HMGCS2: variants seen among roughly 807,000 people sequenced by gnomAD.
The protein encoded by HMGCS2 is hydroxymethylglutaryl-CoA synthase, mitochondrial.
In HMGCS2, 50 loss-of-function variants were observed where a neutral mutation model predicts 57.4. The observed-to-expected ratio is 0.87, with a 90% CI of 0.69 to 1.10. HMGCS2 has a LOEUF of 1.10. HMGCS2 is among the 50% of genes least tolerant of loss of function. The pLI, the probability that HMGCS2 is intolerant of heterozygous loss-of-function variation, is 0.00. For synonymous variants in HMGCS2, 254 were observed against 245.1 expected (o/e 1.04, Z -0.34); for missense variants, 627 against 636.5 (o/e 0.99, Z 0.16).
intron 8 of HMGCS2, 33 bp from the exon 9 acceptor site, chr1:119,750,941 A>C: frequency 7.8e-7 from 1 of 1,287,840 alleles, no homozygotes; most frequent in Non-Finnish European, 1.1e-6. Context: ...AGTACTCACA[A>C]AGAGTTATAT....
intron 7 of HMGCS2, 77 bp from the exon 8 acceptor site, chr1:119,752,751 G>A: frequency 6.4e-7 from 1 of 1,551,656 alleles, no homozygotes; most frequent in Non-Finnish European, 8.9e-7. Context: ...TCAACAGAGA[G>A]CCAGGTTCTG....
intron 2 of HMGCS2, among the ~76,000 whole-genome samples, chr1:119,762,689 G>A (rs1463883753): frequency 6.6e-6 from 1 of 152,144 alleles, no homozygotes; most frequent in Admixed American, 6.5e-5. Flanking sequence ...TATGTAGTCC[G>A]AGTGTCCAGG....
chr1:119,755,420 T>C lies in HMGCS2; in HGVS notation c.1187+7A>G. On this transcript the variant is annotated splice_region_variant and intron_variant, in intron 6 of 9. Coordinates refer to ENST00000369406, the MANE Select transcript of HMGCS2 (RefSeq NM_005518.4). ...ATGGAGGACATGGAGCCAGATGCAGTACTCACTGGGACAGAAGCGAGGCCA... is the reference window on the plus strand; with the variant it reads ...ATGGAGGACATGGAGCCAGATGCAGCACTCACTGGGACAGAAGCGAGGCCA... 1.2e-6 allele frequency: 2 copies of C among 1,613,804 alleles called. No individual in the cohort carries two copies. The highest frequency in any genetic ancestry group is 1.7e-6 in the Non-Finnish European group (2 of 1,179,808).
chr1:119,751,030 T>C, intron 8 of HMGCS2, 122 bp from the exon 9 acceptor site: 1 of 706,486 alleles, frequency 1.4e-6, no homozygotes, highest in Non-Finnish European at 2.6e-6. Context: ...TGTAAGGGGC[T>C]GCAAGGTCAC....
chr1:119,750,917 T>G lies in HMGCS2; in HGVS notation c.1421-9A>C, dbSNP rs368591232. ...AGGTGGGGAGAAATTCACTGTGGAA[T>G]GAGGAGAAGAGGCAGTACTCACAAA... On this transcript the variant is annotated splice_polypyrimidine_tract_variant and intron_variant, in intron 8 of 9. Coordinates refer to ENST00000369406, the MANE Select transcript of HMGCS2 (RefSeq NM_005518.4). 19 of 1,525,122 alleles carry G rather than the reference T, an allele frequency of 1.2e-5. No individual in the cohort carries two copies. The highest frequency in any genetic ancestry group is 1.5e-5 in the Non-Finnish European group (16 of 1,099,142). The allele number at this position is 1,525,122 out of a possible 1,614,324, so 94.5% of individuals were successfully genotyped here.
Position 119,768,816 on chromosome 1 carries a change from C to T in HMGCS2, c.29G>A (p.Arg10His), listed in dbSNP as rs766960590. Residue 10 changes from arginine (R) to histidine (H), a missense_variant, in exon 1 of 10, where the codon CGC becomes CAC. By Grantham distance (29) the Arg-to-His change is conservative. Coordinates refer to ENST00000369406, the MANE Select transcript of HMGCS2 (RefSeq NM_005518.4). MQRLLTPVK[R>H]ILQLTRAVQE... ...CACCGCTCTTGTCAGTTGCAGAATG[C>T]GCTTCACTGGAGTCAACAGACGCTG... 12 of 1,613,890 alleles carry T rather than the reference C, an allele frequency of 7.4e-6. No homozygotes were observed. The highest frequency in any genetic ancestry group is 1.6e-4 in the Middle Eastern group (1 of 6,062).
rs1652635564 is a variant in HMGCS2 at position 119,750,907 on chromosome 1, C to G, written c.1422G>C (p.Val474=). The change falls in exon 9 of 10, where the codon GTG becomes GTC. Residue 474 remains valine (V), a splice_region_variant and synonymous_variant. Transcript: ENST00000369406. ...TTGTGTCACCAGGTGGGGAGAAATT[C>G]ACTGTGGAATGAGGAGAAGAGGCAG... ...MNQREQFYHK[V]NFSPPGDTNS... is the part of the protein sequence containing the mutation. 1.3e-6 allele frequency: 2 copies of G among 1,585,468 alleles called. No individual in the cohort carries two copies. Among genetic ancestry groups the G allele is most frequent in the South Asian group, 1.1e-5 (1 of 90,402 alleles).
intron 5 of HMGCS2, among the ~76,000 whole-genome samples, chr1:119,756,850 T>C (rs962106426): frequency 2.0e-5 from 3 of 152,186 alleles, no homozygotes; most frequent in Non-Finnish European, 4.4e-5. Context: ...GTATAGGCTG[T>C]GAGATGCTCT....
At chr1:119,754,229 G>A (rs779735103) in intron 6 of HMGCS2, among the ~76,000 whole-genome samples, 6 of 152,074 alleles carry the variant, frequency 3.9e-5, no homozygotes, top group Non-Finnish European at 5.9e-5. Flanking sequence ...GCTGATGTTT[G>A]TATTTTTAGT....
At chr1:119,758,190 A>G (rs951714043) in intron 4 of HMGCS2, among the ~76,000 whole-genome samples, 8 of 152,362 alleles carry the variant, frequency 5.3e-5, no homozygotes, top group African/African-American at 1.9e-4. Flanking sequence ...AGGCAAGAAT[A>G]CTATTTATGT....
chr1:119,755,400 G>A, intron 6 of HMGCS2, 27 bp downstream of exon 6: 2 of 1,611,194 alleles, frequency 1.2e-6, no homozygotes. Context: ...TGTGCATGGA[G>A]GACATGGAGC....
intron 6 of HMGCS2, among the ~76,000 whole-genome samples, 200 bp downstream of exon 6, chr1:119,755,227 C>T (rs1405466769): frequency 6.6e-6 from 1 of 152,136 alleles, no homozygotes. Flanking sequence ...AGGCGGGTCT[C>T]GAACTCCTAG....
rs1167346246 is a variant in HMGCS2, at chr1:119,759,892, C to A, written c.657G>T (p.Gly219=). 5 of 1,614,054 alleles carry A rather than the reference C, an allele frequency of 3.1e-6. No homozygotes were observed. Among genetic ancestry groups the A allele is most frequent in the Non-Finnish European group, 4.2e-6 (5 of 1,180,014 alleles). ...GCTCCAGGGCCAGAGGGGCCTTGGG[C>A]CCAATCAGCATAGCCACAGCTCCGG... The part of the protein sequence containing the change: ...GGAGAVAMLI[G]PKAPLALERG... The change falls in exon 3 of 10, where the codon GGG becomes GGT. Residue 219 remains glycine (G), a synonymous_variant. Coordinates refer to ENST00000369406, the MANE Select transcript of HMGCS2 (RefSeq NM_005518.4).
At chr1:119,749,185 C>T (rs1483025674) in intron 9 of HMGCS2, among the ~76,000 whole-genome samples, 1 of 152,174 alleles carries the variant, frequency 6.6e-6, no homozygotes, top group African/African-American at 2.4e-5. Context: ...GTTGGAAGTT[C>T]ACTGCTCATA....
At chr1:119,763,867 A>G (rs750645072) in intron 2 of HMGCS2, among the ~76,000 whole-genome samples, 1 of 152,156 alleles carries the variant, frequency 6.6e-6, no homozygotes, top group African/African-American at 2.4e-5. Context: ...GTGGTTTGGC[A>G]TTTTTGCCTC....
chr1:119,768,065 C>T (rs1435831055), intron 1 of HMGCS2, among the ~76,000 whole-genome samples: 8 of 152,110 alleles, frequency 5.3e-5, no homozygotes, highest in Admixed American at 2.0e-4. Flanking sequence ...GAACTAGTCC[C>T]AATGTGTAGT....
At chr1:119,760,131 T>C in intron 2 of HMGCS2, 142 bp from the exon 3 acceptor site, 1 of 770,514 alleles carries the variant, frequency 1.3e-6, no homozygotes, top group South Asian at 1.6e-5. Flanking sequence ...GGAGCTTATG[T>C]TCTAGTGCAA....
At chr1:119,766,757 C>A (rs1387327706) in intron 1 of HMGCS2, among the ~76,000 whole-genome samples, 1 of 151,972 alleles carries the variant, frequency 6.6e-6, no homozygotes. Flanking sequence ...CCTTTCTTCC[C>A]AGTTAGAAAT....
In HMGCS2 at chr1:119,748,131, GTC is replaced by G. The variant is rs1302051309; in HGVS notation, c.*714_*715del. ...TGAACTACAGCTCCTGCTGGCCCCT[GTC>G]TGCTGCTCTCTGTCTATGTGGTGTC... On this transcript the variant is annotated 3_prime_UTR_variant, in exon 10 of 10. Coordinates refer to ENST00000369406, the MANE Select transcript of HMGCS2 (RefSeq NM_005518.4). 3 of 152,318 alleles carry G rather than the reference GTC, an allele frequency of 2.0e-5. No homozygotes were observed. Among genetic ancestry groups the G allele is most frequent in the Non-Finnish European group, 4.4e-5 (3 of 68,086 alleles). 9.4% of individuals were successfully genotyped at this position (152,318 alleles called of 1,614,324 possible). A position where few individuals can be genotyped will look rare whatever the true frequency, so the allele number is the denominator to read the frequency against.
Sources: allele counts gnomAD v4.1 joint callset (sites outside exome capture counted in the v4.1 genomes callset), GRCh38; gene constraint gnomAD v4.1.1; transcripts MANE v1.5; gene names NCBI Gene and HGNC (gene_info 2026-07-23, HGNC 2026-07-21).